Variants in COL21A1 observed in about 807,000 individuals in gnomAD.
COL21A1 encodes the protein collagen type XXI alpha 1 chain.
A neutral mutation model predicts 137.9 loss-of-function variants in COL21A1; 149 were observed. The observed-to-expected ratio is 1.08, with a 90% CI of 0.95 to 1.24. COL21A1 has a LOEUF of 1.24. COL21A1 is among the 50% of genes most tolerant of loss of function. COL21A1 has a pLI of 0.00. For missense variants in COL21A1, 1,167 were observed against 1,158.4 expected (o/e 1.01, Z -0.11); for synonymous variants, 456 against 391.5 (o/e 1.16, Z -1.95).
chr6:56,268,200 C>T (rs1012983427), intron 1 of COL21A1, among the ~76,000 whole-genome samples: 6 of 152,200 alleles, frequency 3.9e-5, no homozygotes, highest in African/African-American at 1.4e-4. Context: ...TGGGCCGACA[C>T]AGGAGCAGGG....
chr6:56,129,675 C>CGTGT (rs78820557), intron 12 of COL21A1, among the ~76,000 whole-genome samples: 1,587 of 136,354 alleles, frequency 0.012, 34 homozygotes, highest in African/African-American at 0.029. Flanking sequence ...CACGTGCGTG[C>CGTGT]GTGTGTGTGT....
intron 1 of COL21A1, among the ~76,000 whole-genome samples, chr6:56,265,125 G>A (rs1412257193): frequency 2.0e-5 from 3 of 152,212 alleles, no homozygotes; most frequent in Non-Finnish European, 4.4e-5. Context: ...AAAGGAGATG[G>A]CAAGGCTAAG....
chr6:56,088,321 G>A (rs771341286), intron 17 of COL21A1, among the ~76,000 whole-genome samples: 7 of 152,080 alleles, frequency 4.6e-5, no homozygotes, highest in Non-Finnish European at 8.8e-5. Context: ...CTGAGATTGC[G>A]CCACTGCACT....
chr6:56,150,226 G>C (rs543023784), intron 10 of COL21A1, among the ~76,000 whole-genome samples: 1 of 152,262 alleles, frequency 6.6e-6, no homozygotes, highest in African/African-American at 2.4e-5. Flanking sequence ...ACATTAAAGA[G>C]TTGGGGGAAC....
chr6:56,195,226 C>T (rs746022133), intron 1 of COL21A1, among the ~76,000 whole-genome samples: 3 of 152,216 alleles, frequency 2.0e-5, no homozygotes, highest in African/African-American at 4.8e-5. Context: ...CAACAGAAAA[C>T]GTACTAAAAC....
chr6:56,097,250 C>T (rs1207648774), intron 17 of COL21A1, among the ~76,000 whole-genome samples: 1 of 152,072 alleles, frequency 6.6e-6, no homozygotes, highest in African/African-American at 2.4e-5. Context: ...ATCCATTGGG[C>T]TGGAGTGGGA....
At chr6:56,073,479 C>T (rs532012136) in intron 20 of COL21A1, among the ~76,000 whole-genome samples, 12 of 151,378 alleles carry the variant, frequency 7.9e-5, no homozygotes, top group Non-Finnish European at 1.5e-4. Flanking sequence ...GGTCTATTCC[C>T]CTGAGGCAAT....
chr6:56,326,971 C>A (rs947787213), intron 1 of COL21A1, among the ~76,000 whole-genome samples: 2 of 151,962 alleles, frequency 1.3e-5, no homozygotes, highest in Non-Finnish European at 2.9e-5. Flanking sequence ...TTCTTACATA[C>A]CAATTATATA....
intron 1 of COL21A1, among the ~76,000 whole-genome samples, chr6:56,254,140 C>T (rs1782918477): frequency 1.3e-5 from 2 of 152,180 alleles, no homozygotes; most frequent in Admixed American, 1.3e-4. Context: ...TATCTTAGGG[C>T]TGACAGTCCA....
intron 1 of COL21A1, among the ~76,000 whole-genome samples, chr6:56,219,374 C>T (rs886985081): frequency 6.6e-6 from 1 of 151,964 alleles, no homozygotes; most frequent in African/African-American, 2.4e-5. Flanking sequence ...AACTGCAATG[C>T]CTGCAGCCAG....
intron 1 of COL21A1, among the ~76,000 whole-genome samples, chr6:56,377,912 C>T (rs955833880): frequency 2.0e-5 from 3 of 152,166 alleles, no homozygotes; most frequent in African/African-American, 4.8e-5. Context: ...TGGTCAGAGT[C>T]ATGAGGTCCC....
At chr6:56,324,490 C>T (rs1423229274) in intron 1 of COL21A1, among the ~76,000 whole-genome samples, 3 of 152,060 alleles carry the variant, frequency 2.0e-5, no homozygotes, top group African/African-American at 7.2e-5. Flanking sequence ...TCTGCCTCAA[C>T]ACGTTGCCTA....
At chr6:56,328,785 G>A (rs746152360) in intron 1 of COL21A1, among the ~76,000 whole-genome samples, 14 of 151,962 alleles carry the variant, frequency 9.2e-5, no homozygotes, top group Non-Finnish European at 1.8e-4. Flanking sequence ...AACATGCCTC[G>A]AAATAGCAGA....
intron 16 of COL21A1, among the ~76,000 whole-genome samples, chr6:56,104,792 C>T (rs1285407808): frequency 6.6e-6 from 1 of 152,064 alleles, no homozygotes; most frequent in African/African-American, 2.4e-5. Context: ...TTAACTAAAA[C>T]CAGGCATGTG....
At chr6:56,065,918 T>C (rs1582226400) in intron 23 of COL21A1, among the ~76,000 whole-genome samples, 1 of 151,892 alleles carries the variant, frequency 6.6e-6, no homozygotes, top group African/African-American at 2.4e-5. Flanking sequence ...TAGGAAGATA[T>C]TGCAGTAGCC....
At chr6:56,346,440 A>C (rs920226912) in intron 1 of COL21A1, among the ~76,000 whole-genome samples, 1 of 152,192 alleles carries the variant, frequency 6.6e-6, no homozygotes, top group African/African-American at 2.4e-5. Context: ...TTTACTACTG[A>C]ATATCATTCT....
intron 1 of COL21A1, among the ~76,000 whole-genome samples, chr6:56,300,001 G>A (rs1213692639): frequency 2.6e-5 from 4 of 151,994 alleles, no homozygotes; most frequent in Non-Finnish European, 5.9e-5. Flanking sequence ...TGAAGTAATA[G>A]GAAAATTAAA....
At chr6:56,336,458 A>G (rs1562062210) in intron 1 of COL21A1, among the ~76,000 whole-genome samples, 1 of 152,198 alleles carries the variant, frequency 6.6e-6, no homozygotes, top group African/African-American at 2.4e-5. Flanking sequence ...TAGAACAAAA[A>G]CAGATTATAA....
upstream of COL21A1, among the ~76,000 whole-genome samples, chr6:56,251,925 C>T (rs934131900): frequency 6.6e-6 from 1 of 152,164 alleles, no homozygotes; most frequent in Non-Finnish European, 1.5e-5. Flanking sequence ...TATTTCCTTC[C>T]GTAGTTTCCA....
Sources: allele counts gnomAD v4.1 joint callset (sites outside exome capture counted in the v4.1 genomes callset), GRCh38; gene constraint gnomAD v4.1.1; transcripts MANE v1.5; gene names NCBI Gene and HGNC (gene_info 2026-07-23, HGNC 2026-07-21).